Variants in DISC1 observed in about 807,000 individuals in gnomAD.
The protein encoded by DISC1 is DISC1 scaffold protein, also known as disrupted in schizophrenia 1 protein.
DISC1 carries 57 observed loss-of-function variants against 84.5 expected under a neutral mutation model. That is an observed-to-expected ratio of 0.67 (90% CI 0.55 to 0.84). DISC1 has a LOEUF of 0.84. DISC1 is among the 40% of genes least tolerant of loss of function. The pLI, the probability that DISC1 is intolerant of heterozygous loss-of-function variation, is 0.00. For missense variants in DISC1, 1,000 were observed against 1,057.8 expected (o/e 0.95, Z 0.76); for synonymous variants, 411 against 415.2 (o/e 0.99, Z 0.12).
intron 12 of DISC1, among the ~76,000 whole-genome samples, chr1:232,027,206 G>A (rs1055422227): frequency 4.6e-5 from 7 of 152,146 alleles, no homozygotes; most frequent in Admixed American, 2.6e-4. Context: ...GTTTTCCTAC[G>A]AGCTTTTTCA....
At position 231,835,207 on chromosome 1, in the gene DISC1, G is replaced by T. The variant is rs577956320; in HGVS notation, c.1981+16690G>T. Among the ~76,000 whole-genome samples, 10 of 152,302 alleles carry T rather than the reference G, an allele frequency of 6.6e-5. No individual in the cohort carries two copies. The East Asian group carries it at 1.7e-3, about 27-fold the overall frequency. ...ACAGGGGATTGATCTCCCAAGGGGG[G>T]TCCCCCGATCTGAGTCACGGCACCA... On this transcript the variant is annotated intron_variant, in intron 9 of 12. Coordinates refer to ENST00000439617, the MANE Select transcript of DISC1 (RefSeq NM_018662.3).
intron 8 of DISC1, among the ~76,000 whole-genome samples, chr1:231,808,558 C>A (rs531120787): frequency 6.6e-6 from 1 of 152,378 alleles, no homozygotes; most frequent in East Asian, 1.9e-4. Flanking sequence ...AGTCCCAGAA[C>A]AGCTAGCAAA....
intron 10 of DISC1, among the ~76,000 whole-genome samples, chr1:231,989,615 A>G (rs1664919321): frequency 6.6e-6 from 1 of 152,228 alleles, no homozygotes; most frequent in Non-Finnish European, 1.5e-5. Context: ...CTTTTAAGGG[A>G]TAAAGCAGAC....
chr1:231,731,330 C>T (rs1041400060), intron 3 of DISC1, among the ~76,000 whole-genome samples: 1 of 152,166 alleles, frequency 6.6e-6, no homozygotes, highest in African/African-American at 2.4e-5. Context: ...AAAGGCAGTT[C>T]TGCAGTAATA....
chr1:231,677,203 G>A (rs200462664), intron 1 of DISC1, among the ~76,000 whole-genome samples: 19 of 151,862 alleles, frequency 1.3e-4, no homozygotes, highest in Admixed American at 1.3e-4. Flanking sequence ...TTTTCTATTC[G>A]CCCATACCCA....
intron 3 of DISC1, among the ~76,000 whole-genome samples, chr1:231,711,604 G>A (rs765843515): frequency 1.3e-5 from 2 of 151,380 alleles, no homozygotes; most frequent in African/African-American, 2.4e-5. Context: ...TCCTGACCTC[G>A]TGATCCACCG....
chr1:231,845,625 G>A (rs908672277), intron 9 of DISC1, among the ~76,000 whole-genome samples: 2 of 152,164 alleles, frequency 1.3e-5, no homozygotes, highest in Non-Finnish European at 2.9e-5. Context: ...CCAGGCTGGG[G>A]GTTTCCAGGC....
intron 6 of DISC1, among the ~76,000 whole-genome samples, chr1:231,786,119 A>G (rs1279524589): frequency 6.6e-6 from 1 of 152,150 alleles, no homozygotes; most frequent in African/African-American, 2.4e-5. Context: ...TGTCTCTATT[A>G]TCAATGTTAT....
chr1:231,933,251 G>C lies in DISC1; in HGVS notation c.1982-25577G>C, dbSNP rs1341554. On this transcript the variant is annotated intron_variant, in intron 9 of 12. Transcript: ENST00000439617. The stretch of plus-strand genomic sequence containing the variant: ...GCTGGTAAGTTGTGAAGTTAACCTA[G>C]GTTAGCCTGAGTTCACAGGCTATGC... 5.3e-5 allele frequency among the ~76,000 whole-genome samples: 8 copies of C among 152,236 alleles called. No individual in the cohort carries two copies. In the East Asian group the frequency reaches 1.5e-3, roughly 29 times the overall value.
At chr1:231,736,073 C>G (rs1053737950) in intron 3 of DISC1, among the ~76,000 whole-genome samples, 4 of 152,190 alleles carry the variant, frequency 2.6e-5, no homozygotes, top group African/African-American at 9.7e-5. Flanking sequence ...CTTGGCCTCT[C>G]AAAGTGCTAG....
chr1:231,967,324 T>A (rs965935842), intron 10 of DISC1, among the ~76,000 whole-genome samples: 3 of 152,242 alleles, frequency 2.0e-5, no homozygotes, highest in Admixed American at 1.3e-4. Flanking sequence ...TTGGAGCAAT[T>A]GTTTCCAAAA....
At chr1:231,885,953 C>T (rs1413466016) in intron 9 of DISC1, among the ~76,000 whole-genome samples, 2 of 152,192 alleles carry the variant, frequency 1.3e-5, no homozygotes, top group Non-Finnish European at 2.9e-5. Flanking sequence ...ATTTCCTCAT[C>T]ATTCTGGAGA....
At chr1:231,924,995 A>G (rs1049296780) in intron 9 of DISC1, among the ~76,000 whole-genome samples, 1 of 133,596 alleles carries the variant, frequency 7.5e-6, no homozygotes, top group Non-Finnish European at 1.6e-5. Flanking sequence ...TGTTCCAGTT[A>G]TTGACCTAGC....
At chr1:231,678,112 C>G (rs1408642934) in intron 1 of DISC1, among the ~76,000 whole-genome samples, 1 of 152,184 alleles carries the variant, frequency 6.6e-6, no homozygotes, top group Non-Finnish European at 1.5e-5. Context: ...TGTAAACATC[C>G]TATGCTCCAA....
At chr1:231,849,471 T>A (rs2083715692) in intron 9 of DISC1, among the ~76,000 whole-genome samples, 1 of 152,142 alleles carries the variant, frequency 6.6e-6, no homozygotes, top group Admixed American at 6.5e-5. Context: ...TTAGACAACA[T>A]GCCCAAGGTC....
intron 1 of DISC1, among the ~76,000 whole-genome samples, chr1:231,638,376 C>T (rs1000485962): frequency 1.3e-5 from 2 of 152,008 alleles, no homozygotes; most frequent in Non-Finnish European, 2.9e-5. Context: ...TTGTTGTTGC[C>T]TGTGCTTTTG....
intron 9 of DISC1, among the ~76,000 whole-genome samples, chr1:231,894,260 T>TAGAA (rs2087492329): frequency 6.6e-6 from 1 of 152,184 alleles, no homozygotes; most frequent in Non-Finnish European, 1.5e-5. Flanking sequence ...TTCAGAAATA[T>TAGAA]AGAAAGGTAC....
chr1:231,782,153 C>G (rs2077475181), intron 6 of DISC1, among the ~76,000 whole-genome samples: 1 of 152,184 alleles, frequency 6.6e-6, no homozygotes, highest in South Asian at 2.1e-4. Context: ...CTATTTTGTA[C>G]TTCCTCTTTG....
chr1:231,638,586 T>G (rs2059380056), intron 1 of DISC1, among the ~76,000 whole-genome samples: 1 of 152,210 alleles, frequency 6.6e-6, no homozygotes, highest in Non-Finnish European at 1.5e-5. Context: ...CCAGTATCAT[T>G]TATTGAAAGG....
Sources: allele counts gnomAD v4.1 joint callset (sites outside exome capture counted in the v4.1 genomes callset), GRCh38; gene constraint gnomAD v4.1.1; transcripts MANE v1.5; gene names NCBI Gene and HGNC (gene_info 2026-07-23, HGNC 2026-07-21).